The following RAB38 variants were observed in gnomAD, a reference collection of about 807,000 sequenced individuals.
RAB38 encodes RAB38, member RAS oncogene family.
In RAB38, 15 loss-of-function variants were observed where a neutral mutation model predicts 18.4. That is an observed-to-expected ratio of 0.82 (90% CI 0.55 to 1.26). The LOEUF (loss-of-function observed/expected upper bound fraction) is 1.26, where lower values mean the gene tolerates loss of function less well. Among genes scored for constraint, RAB38 ranks in the 50% most tolerant of loss-of-function variants. RAB38 has a pLI of 0.00. For synonymous variants in RAB38, 101 were observed against 104.4 expected, an observed-to-expected ratio of 0.97 and a Z score of 0.20; for missense variants, 294 against 267.4, an observed-to-expected ratio of 1.10 and a Z score of -0.69.
chr11:87,911,692 T>C, the RAB38 span, among the ~76,000 whole-genome samples: 2 of 152,038 alleles, frequency 1.3e-5, no homozygotes, highest in Non-Finnish European at 2.9e-5. Flanking sequence ...TTCTTTCTAA[T>C]ATGGATGTCA....
chr11:87,901,596 G>A, the RAB38 span, among the ~76,000 whole-genome samples: 3 of 151,634 alleles, frequency 2.0e-5, no homozygotes, highest in Non-Finnish European at 4.4e-5. Context: ...CTGAACAGTA[G>A]TATATGCTGC....
chr11:88,086,379 C>T, the RAB38 span, among the ~76,000 whole-genome samples: 2 of 151,870 alleles, frequency 1.3e-5, no homozygotes, highest in Non-Finnish European at 2.9e-5. Flanking sequence ...GTTGTAACCA[C>T]ATATTCTCCT....
chr11:87,977,652 A>G, the RAB38 span, among the ~76,000 whole-genome samples: 1 of 118,408 alleles, frequency 8.4e-6, no homozygotes, highest in Non-Finnish European at 1.6e-5. Context: ...TATAAATTAT[A>G]CAGTATATAA....
the RAB38 span, among the ~76,000 whole-genome samples, chr11:87,820,581 C>A: frequency 4.0e-3 from 605 of 152,262 alleles, 3 homozygotes; most frequent in African/African-American, 0.014. Context: ...ACTCGGCAGT[C>A]TTCACCTTTT....
chr11:87,864,418 G>T, the RAB38 span, among the ~76,000 whole-genome samples: 1 of 151,080 alleles, frequency 6.6e-6, no homozygotes, highest in African/African-American at 2.4e-5. Context: ...AATATTATTA[G>T]CAGTAGTAGT....
the RAB38 span, among the ~76,000 whole-genome samples, chr11:88,031,078 A>G: frequency 1.4e-4 from 21 of 150,606 alleles, no homozygotes; most frequent in East Asian, 5.8e-4. Context: ...TTCAATATAC[A>G]CAAATCAATA....
At chr11:87,905,170 A>T in the RAB38 span, among the ~76,000 whole-genome samples, 5 of 151,644 alleles carry the variant, frequency 3.3e-5, no homozygotes, top group Non-Finnish European at 5.9e-5. Context: ...CCAACTGATG[A>T]ATTTGTTATT....
chr11:88,060,853 G>C, the RAB38 span, among the ~76,000 whole-genome samples: 1 of 152,112 alleles, frequency 6.6e-6, no homozygotes, highest in African/African-American at 2.4e-5. Flanking sequence ...TAAGCTATCT[G>C]TTCCAAAAAG....
chr11:88,026,371 G>C, the RAB38 span, among the ~76,000 whole-genome samples: 4 of 151,496 alleles, frequency 2.6e-5, no homozygotes, highest in Admixed American at 2.6e-4. Context: ...AGACCATCCT[G>C]GCTAACACAG....
the RAB38 span, among the ~76,000 whole-genome samples, chr11:88,050,808 C>T: frequency 1.3e-5 from 2 of 152,250 alleles, no homozygotes; most frequent in African/African-American, 4.8e-5. Context: ...CATAGATCAA[C>T]TAGTTGAAGG....
chr11:88,099,032 T>C, the RAB38 span, among the ~76,000 whole-genome samples: 45 of 152,108 alleles, frequency 3.0e-4, no homozygotes, highest in African/African-American at 4.8e-4. Context: ...TAACTGGACA[T>C]AGAGTGGACC....
chr11:87,905,799 T>C, the RAB38 span, among the ~76,000 whole-genome samples: 2 of 151,942 alleles, frequency 1.3e-5, no homozygotes, highest in Non-Finnish European at 2.9e-5. Context: ...AGGAGTCTTA[T>C]GTAGGAAGCA....
At chr11:88,060,797 A>G in the RAB38 span, among the ~76,000 whole-genome samples, 1 of 152,306 alleles carries the variant, frequency 6.6e-6, no homozygotes, top group Middle Eastern at 3.4e-3. Context: ...GTTCCATTAA[A>G]AACTACTAAC....
chr11:88,083,174 A>G, the RAB38 span, among the ~76,000 whole-genome samples: 8 of 151,860 alleles, frequency 5.3e-5, no homozygotes, highest in African/African-American at 1.9e-4. Context: ...GTTACAATAA[A>G]GCCTTTCTTG....
At chr11:88,048,458 T>C in the RAB38 span, among the ~76,000 whole-genome samples, 3 of 152,170 alleles carry the variant, frequency 2.0e-5, no homozygotes, top group African/African-American at 7.2e-5. Context: ...TAATGGTCTT[T>C]TAAAGACACA....
the RAB38 span, among the ~76,000 whole-genome samples, chr11:87,868,337 C>T: frequency 2.6e-4 from 40 of 151,762 alleles, no homozygotes; most frequent in East Asian, 7.7e-3. Flanking sequence ...AGCTCCTGTT[C>T]ACCTTCCAGC....
chr11:87,860,963 C>G, the RAB38 span, among the ~76,000 whole-genome samples: 1 of 151,764 alleles, frequency 6.6e-6, no homozygotes, highest in Non-Finnish European at 1.5e-5. Context: ...ATAAATTCTG[C>G]TAAAATTAAA....
At chr11:88,108,813 T>TG (rs1942436171), downstream of RAB38, among the ~76,000 whole-genome samples, 1 of 152,228 alleles carries the variant, frequency 6.6e-6, no homozygotes, top group Non-Finnish European at 1.5e-5. Context: ...CTTCAGGAGC[T>TG]CTTGTAAAGC....
At chr11:87,821,417 A>G in the RAB38 span, among the ~76,000 whole-genome samples, 22 of 152,350 alleles carry the variant, frequency 1.4e-4, no homozygotes, top group African/African-American at 5.1e-4. Context: ...ACAAAACTTA[A>G]GTTTACCAGC....
Sources: allele counts gnomAD v4.1 joint callset (sites outside exome capture counted in the v4.1 genomes callset), GRCh38; gene constraint gnomAD v4.1.1; transcripts MANE v1.5; gene names NCBI Gene and HGNC (gene_info 2026-07-23, HGNC 2026-07-21).